The following ST3GAL4 variants were observed in gnomAD, a reference collection of about 807,000 sequenced individuals.
ST3GAL4 encodes the protein CMP-N-acetylneuraminate-beta-galactosamide-alpha-2,3-sialyltransferase 4.
ST3GAL4 carries 24 observed loss-of-function variants against 42.6 expected under a neutral mutation model. That is an observed-to-expected ratio of 0.56 (90% CI 0.41 to 0.79). The LOEUF (loss-of-function observed/expected upper bound fraction) is 0.79, where lower values mean the gene tolerates loss of function less well. Among genes scored for constraint, ST3GAL4 ranks in the 30% least tolerant of loss-of-function variants. ST3GAL4 has a pLI of 0.00. For synonymous variants in ST3GAL4, 135 were observed against 163.2 expected, an observed-to-expected ratio of 0.83 and a Z score of 1.32; for missense variants, 311 against 430.8, an observed-to-expected ratio of 0.72 and a Z score of 2.46.
chr11:126,374,705 A>G (rs535984188), intron 1 of ST3GAL4, among the ~76,000 whole-genome samples: 1 of 152,228 alleles, frequency 6.6e-6, no homozygotes, highest in Admixed American at 6.5e-5. Flanking sequence ...GCGTCAGAGC[A>G]AGGACCCGGG....
rs1952898143 is a variant in ST3GAL4 at position 126,378,534 on chromosome 11, A to G, written c.-61+22692A>G. ...TGCGATTCTCCTGCCTCAGCCTCCCAAGTAGCTGGGACTACAGGCACCACC... is the reference window on the plus strand; with the variant it reads ...TGCGATTCTCCTGCCTCAGCCTCCCGAGTAGCTGGGACTACAGGCACCACC... On this transcript the variant is annotated intron_variant, in intron 1 of 10. Coordinates refer to ENST00000444328, the MANE Select transcript of ST3GAL4 (RefSeq NM_001254757.2). The surrounding 1 kb of genome is among the most constrained non-coding windows in gnomAD (Gnocchi z 5.3). 6.6e-6 allele frequency among the ~76,000 whole-genome samples: 1 copy of G among 152,038 alleles called. No individual in the cohort carries two copies. The highest frequency in any genetic ancestry group is 1.5e-5 in the Non-Finnish European group (1 of 67,960).
intron 1 of ST3GAL4, among the ~76,000 whole-genome samples, chr11:126,374,666 G>C (rs1952769255): frequency 6.6e-6 from 1 of 152,094 alleles, no homozygotes; most frequent in African/African-American, 2.4e-5. Flanking sequence ...GGGAGGAGGT[G>C]CTGGCCAGTA....
rs1173511313 is a variant in ST3GAL4, at chr11:126,392,144, C to T, written c.-60-13952C>T. The T allele has an allele frequency of 5.7e-6, 1 of 175,584 alleles. No individual in the cohort carries two copies. Among genetic ancestry groups the T allele is most frequent in the Non-Finnish European group, 1.1e-5 (1 of 89,372 alleles). 10.9% of individuals were successfully genotyped at this position (175,584 alleles called of 1,614,324 possible). A position where few individuals can be genotyped will look rare whatever the true frequency, so the allele number is the denominator to read the frequency against. On this transcript the variant is annotated intron_variant, in intron 1 of 10. Coordinates refer to ENST00000444328, the MANE Select transcript of ST3GAL4 (RefSeq NM_001254757.2). This position sits in a 1 kb window ranked among gnomAD's most constrained non-coding sequence, Gnocchi z 5.8. ...GGGCCTGAGTCCGTACCCCTTTTCA[C>T]TGGCTCCTCCTGGAGGCCACATGTA...
Position 126,406,034 on chromosome 11 carries a change from T to A in ST3GAL4, c.-60-62T>A, listed in dbSNP as rs1954211869. 1 of 1,530,862 alleles carries A rather than the reference T, an allele frequency of 6.5e-7. No individual in the cohort carries two copies. The highest frequency in any genetic ancestry group is 8.9e-7 in the Non-Finnish European group (1 of 1,129,266). 94.8% of individuals were successfully genotyped at this position (1,530,862 alleles called of 1,614,324 possible). ...GGGGCAGACAGTGGGTGTGTCCTGCTCCAGTGTCTAGGCAGGAGAGTTTGT... is the reference window on the plus strand; with the variant it reads ...GGGGCAGACAGTGGGTGTGTCCTGCACCAGTGTCTAGGCAGGAGAGTTTGT... On this transcript the variant is annotated intron_variant, in intron 1 of 10. Transcript: ENST00000444328. This position sits in a 1 kb window ranked among gnomAD's most constrained non-coding sequence, Gnocchi z 5.4.
In ST3GAL4 at chr11:126,383,793, C is replaced by T. The variant is rs889215899; in HGVS notation, c.-60-22303C>T. ...GGCAGATTCACCAGAGGGGCTACTG[C>T]GCAGAGCCTGGGCCCTGGACACCTA... On this transcript the variant is annotated intron_variant, in intron 1 of 10. Coordinates refer to ENST00000444328, the MANE Select transcript of ST3GAL4 (RefSeq NM_001254757.2). This position sits in a 1 kb window ranked among gnomAD's most constrained non-coding sequence, Gnocchi z 4.5. Among the ~76,000 whole-genome samples the T allele has an allele frequency of 3.9e-5, 6 of 152,150 alleles. No homozygotes were observed. Among genetic ancestry groups the T allele is most frequent in the African/African-American group, 1.2e-4 (5 of 41,444 alleles).
chr11:126,406,630 G>A lies in ST3GAL4; in HGVS notation c.101+73G>A, dbSNP rs182932029. 1,079 of 1,605,460 alleles carry A rather than the reference G, an allele frequency of 6.7e-4. 17 individuals are homozygous for A. The South Asian group carries it at 9.4e-3, about 14-fold the overall frequency. On this transcript the variant is annotated intron_variant, in intron 3 of 10. Coordinates refer to ENST00000444328, the MANE Select transcript of ST3GAL4 (RefSeq NM_001254757.2). This position sits in a 1 kb window ranked among gnomAD's most constrained non-coding sequence, Gnocchi z 5.4. The stretch of plus-strand genomic sequence containing the variant: ...GCTTAGGGATGGAGCATCATGGAGC[G>A]GGGGACCTAGTAGGGCAGGAAGGTT...
chr11:126,404,957 T>A (rs1954161325), intron 1 of ST3GAL4, among the ~76,000 whole-genome samples: 1 of 152,246 alleles, frequency 6.6e-6, no homozygotes, highest in Non-Finnish European at 1.5e-5. Flanking sequence ...CCAGCCCCTA[T>A]GAAAACATGG....
chr11:126,377,479 CTTTT>C (rs59029262), intron 1 of ST3GAL4, among the ~76,000 whole-genome samples: 2 of 117,642 alleles, frequency 1.7e-5, no homozygotes, highest in Admixed American at 9.1e-5. Context: ...CCAACACCTT[CTTTT>C]TTTTTTTTTT....
Position 126,413,508 on chromosome 11 carries a change from C to T in ST3GAL4, c.775C>T (p.Pro259Ser). Residue 259 changes from proline to serine, a missense_variant, in exon 10 of 11, where the codon CCC (proline) becomes TCC (serine). Physicochemically the swap from Pro to Ser is moderately conservative, Grantham distance 74. Coordinates refer to ENST00000444328, the MANE Select transcript of ST3GAL4 (RefSeq NM_001254757.2). ...CCCTCCTGCCCCTGTTCCTCAGAAG[C>T]CCACCACGGGCCTGTTGGCCATCAC... ...MQQPRKIKQK[P>S]TTGLLAITLA... is the part of the protein sequence containing the mutation. 6.2e-7 allele frequency: 1 copy of T among 1,614,024 alleles called. No homozygotes were observed.
intron 9 of ST3GAL4, among the ~76,000 whole-genome samples, chr11:126,412,305 A>C (rs1460859580): frequency 6.6e-6 from 1 of 152,132 alleles, no homozygotes; most frequent in Non-Finnish European, 1.5e-5. Context: ...GGAAGATGAG[A>C]AGACAGGAGA....
intron 7 of ST3GAL4, 45 bp from the exon 8 acceptor site, chr11:126,408,262 G>C (rs373243568): frequency 2.5e-6 from 4 of 1,612,388 alleles, no homozygotes; most frequent in Non-Finnish European, 3.4e-6. Flanking sequence ...CTGTAGACAG[G>C]CCCAGGAGGC....
At position 126,406,818 on chromosome 11, in the gene ST3GAL4, A is replaced by G. The variant is rs1954253793; in HGVS notation, c.102-125A>G. The G allele has an allele frequency of 9.7e-7, 1 of 1,026,322 alleles. No homozygotes were observed. The highest frequency in any genetic ancestry group is 1.5e-6 in the Non-Finnish European group (1 of 677,014). 63.6% of individuals were successfully genotyped at this position (1,026,322 alleles called of 1,614,324 possible). On this transcript the variant is annotated intron_variant, in intron 3 of 10. Transcript: ENST00000444328. This position sits in a 1 kb window ranked among gnomAD's most constrained non-coding sequence, Gnocchi z 5.4. The stretch of plus-strand genomic sequence containing the variant: ...AGGACTTGGGTTCCAAGTGGAACTT[A>G]ACTTGAGATGATTCCTCCCCGGCAC...
chr11:126,407,190 C>A, intron 4 of ST3GAL4, 62 bp from the exon 5 acceptor site: 1 of 1,577,670 alleles, frequency 6.3e-7, no homozygotes, highest in East Asian at 2.2e-5. Context: ...TGGGCCTAAC[C>A]CTACTTCTGG....
chr11:126,386,231 G>A lies in ST3GAL4; in HGVS notation c.-60-19865G>A, dbSNP rs755409174. 6.6e-6 allele frequency among the ~76,000 whole-genome samples: 1 copy of A among 152,136 alleles called. No homozygotes were observed. The highest frequency in any genetic ancestry group is 1.5e-5 in the Non-Finnish European group (1 of 68,026). On this transcript the variant is annotated intron_variant, in intron 1 of 10. Coordinates refer to ENST00000444328, the MANE Select transcript of ST3GAL4 (RefSeq NM_001254757.2). The surrounding 1 kb of genome is among the most constrained non-coding windows in gnomAD (Gnocchi z 4.7). The stretch of plus-strand genomic sequence containing the variant: ...CCCTGTGCCCTGTGTTAGTGGTCCT[G>A]TGGTTGTCATTGCCCCGTCATCTCC...
intron 10 of ST3GAL4, 23 bp downstream of exon 10, chr11:126,413,671 T>C (rs1954626931): frequency 1.9e-6 from 3 of 1,612,924 alleles, no homozygotes; most frequent in Non-Finnish European, 1.7e-6. Context: ...CTTGTGAGCA[T>C]GGTGGGCCAG....
At chr11:126,357,387 A>G (rs1306517126) in intron 1 of ST3GAL4, among the ~76,000 whole-genome samples, 2 of 152,214 alleles carry the variant, frequency 1.3e-5, no homozygotes, top group African/African-American at 4.8e-5. Context: ...AGAAGAGTGA[A>G]TTGGAAATTG....
chr11:126,381,416 C>G (rs1244732438), intron 1 of ST3GAL4, among the ~76,000 whole-genome samples: 1 of 151,752 alleles, frequency 6.6e-6, no homozygotes, highest in Non-Finnish European at 1.5e-5. Flanking sequence ...TCCCAAGCCC[C>G]TTACATAACC....
At position 126,410,491 on chromosome 11, in the gene ST3GAL4, T is replaced by C. The variant is rs2135559158; in HGVS notation, c.771+1080T>C. ...ATCCTTGTTTTTCTTGCCTGTGTGG[T>C]GGGATAATATCCATAATGACCTTTT... On this transcript the variant is annotated intron_variant, in intron 9 of 10. Coordinates refer to ENST00000444328, the MANE Select transcript of ST3GAL4 (RefSeq NM_001254757.2). The surrounding 1 kb of genome is among the most constrained non-coding windows in gnomAD (Gnocchi z 5.3). 6.6e-6 allele frequency among the ~76,000 whole-genome samples: 1 copy of C among 152,336 alleles called. No homozygotes were observed. Among genetic ancestry groups the C allele is most frequent in the South Asian group, 2.1e-4 (1 of 4,828 alleles).
intron 1 of ST3GAL4, among the ~76,000 whole-genome samples, chr11:126,374,204 C>CACAA (rs974603174): frequency 6.6e-6 from 1 of 151,922 alleles, no homozygotes; most frequent in Non-Finnish European, 1.5e-5. Flanking sequence ...GTAATCCCAG[C>CACAA]ACTTTGGGAG....
Sources: allele counts gnomAD v4.1 joint callset (sites outside exome capture counted in the v4.1 genomes callset), GRCh38; gene constraint gnomAD v4.1.1; non-coding constraint Gnocchi (gnomAD v3.1); transcripts MANE v1.5; gene names NCBI Gene and HGNC (gene_info 2026-07-23, HGNC 2026-07-21).